GAS7: variants seen among roughly 807,000 people sequenced by gnomAD.
The protein encoded by GAS7 is growth arrest specific 7, also known as growth arrest-specific protein 7.
In GAS7, 28 loss-of-function variants were observed where a neutral mutation model predicts 71.1. The ratio of observed to expected loss-of-function variants is 0.39; its 90% CI spans 0.29 to 0.54. The LOEUF (loss-of-function observed/expected upper bound fraction) is 0.54. GAS7 is among the 20% of genes least tolerant of loss of function. The pLI, the probability that GAS7 is intolerant of heterozygous loss-of-function variation, is 0.62. For synonymous variants in GAS7, 258 were observed against 245.8 expected, an observed-to-expected ratio of 1.05 and a Z score of -0.46; for missense variants, 436 against 627.8, an observed-to-expected ratio of 0.69 and a Z score of 3.27.
chr17:10,113,586 T>C (rs1481505390), intron 1 of GAS7, among the ~76,000 whole-genome samples: 2 of 152,212 alleles, frequency 1.3e-5, no homozygotes, highest in Non-Finnish European at 2.9e-5. Context: ...GATACCTGTG[T>C]TCAGAAAACC....
At chr17:10,183,002 T>C (rs1212698883) in intron 1 of GAS7, among the ~76,000 whole-genome samples, 1 of 152,150 alleles carries the variant, frequency 6.6e-6, no homozygotes, top group African/African-American at 2.4e-5. Context: ...TAAGAAGCCA[T>C]TAAGACTAAT....
chr17:10,021,226 C>T (rs143913844), intron 1 of GAS7, among the ~76,000 whole-genome samples: 91 of 152,300 alleles, frequency 6.0e-4, no homozygotes, highest in East Asian at 5.8e-4. Flanking sequence ...TAAAGGTAAT[C>T]GGCTCCCAAA....
intron 2 of GAS7, among the ~76,000 whole-genome samples, chr17:9,986,847 C>T (rs2070669221): frequency 6.6e-6 from 1 of 152,212 alleles, no homozygotes; most frequent in Admixed American, 6.5e-5. Flanking sequence ...ACCCATAACA[C>T]AAAGACACTG....
chr17:10,052,139 T>C (rs1364281285), intron 1 of GAS7, among the ~76,000 whole-genome samples: 3 of 152,048 alleles, frequency 2.0e-5, no homozygotes, highest in Non-Finnish European at 4.4e-5. Flanking sequence ...CATAGAAAGC[T>C]GATGGGCTGA....
At chr17:10,153,716 T>A (rs1325067921) in intron 1 of GAS7, among the ~76,000 whole-genome samples, 1 of 152,200 alleles carries the variant, frequency 6.6e-6, no homozygotes, top group Non-Finnish European at 1.5e-5. Context: ...ATCATGCCCA[T>A]TTTACAGATG....
intron 9 of GAS7, among the ~76,000 whole-genome samples, chr17:9,932,481 C>G (rs1165696110): frequency 6.6e-6 from 1 of 152,244 alleles, no homozygotes; most frequent in African/African-American, 2.4e-5. Context: ...GCGTGAGCCA[C>G]CACGCCTGGC....
At chr17:10,198,088 C>T in intron 1 of GAS7, 120 bp downstream of exon 1, 2 of 919,954 alleles carry the variant, frequency 2.2e-6, no homozygotes, top group Non-Finnish European at 3.3e-6. Context: ...CCGGCAAGGG[C>T]TGCCCCCCGG....
rs1597512896 is a variant in GAS7 at position 9,948,583 on chromosome 17, T to G, written c.526-1600A>C. On this transcript the variant is annotated intron_variant, in intron 5 of 13. Transcript: ENST00000432992. ...CTGTAATCCCAGCTACTCAGGAGGCTGAGGCAGGAGAATCGCTTCAACCCA... is the reference window on the plus strand; with the variant it reads ...CTGTAATCCCAGCTACTCAGGAGGCGGAGGCAGGAGAATCGCTTCAACCCA... Among the ~76,000 whole-genome samples, 6 of 151,964 alleles carry G rather than the reference T, an allele frequency of 3.9e-5. No individual in the cohort carries two copies. In the South Asian group the frequency reaches 1.2e-3, roughly 32 times the overall value.
intron 1 of GAS7, among the ~76,000 whole-genome samples, chr17:10,167,073 T>TTTTTTTTTTTTTC (rs138918612): frequency 9.5e-5 from 11 of 116,008 alleles, no homozygotes; most frequent in Admixed American, 1.7e-4. Context: ...TTTTTTTTTT[T>TTTTTTTTTTTTTC]TGAGACAGAG....
chr17:10,091,723 C>A (rs1228200356), intron 1 of GAS7, among the ~76,000 whole-genome samples: 3 of 152,030 alleles, frequency 2.0e-5, no homozygotes, highest in Admixed American at 2.0e-4. Flanking sequence ...GCTGTGTCAC[C>A]CAGGCTGGAG....
At chr17:9,935,551 G>C (rs916494309) in intron 8 of GAS7, among the ~76,000 whole-genome samples, 36 of 152,208 alleles carry the variant, frequency 2.4e-4, no homozygotes, top group African/African-American at 8.0e-4. Context: ...GGCAAAAGCT[G>C]AATAAAAGAC....
At chr17:10,075,604 G>C (rs1024485649) in intron 1 of GAS7, among the ~76,000 whole-genome samples, 1 of 151,956 alleles carries the variant, frequency 6.6e-6, no homozygotes, top group East Asian at 1.9e-4. Flanking sequence ...ATACCAGCCT[G>C]GGCAATATAG....
rs564053743 is a variant in GAS7, at chr17:10,033,569, C to T, written c.184-13672G>A. Among the ~76,000 whole-genome samples, 8 of 152,296 alleles carry T rather than the reference C, an allele frequency of 5.3e-5. No homozygotes were observed. In the East Asian group the frequency reaches 9.7e-4, roughly 18 times the overall value. On this transcript the variant is annotated intron_variant, in intron 1 of 13. Transcript: ENST00000432992. Reference sequence around the variant, plus strand: ...AGGCTCAGTATCTCATGCAAAGCAGCCCGCTCACCAGAAAGGATCTTCAAG... The same window carrying T: ...AGGCTCAGTATCTCATGCAAAGCAGTCCGCTCACCAGAAAGGATCTTCAAG...
chr17:10,022,735 C>G (rs1323771100), intron 1 of GAS7, among the ~76,000 whole-genome samples: 1 of 152,226 alleles, frequency 6.6e-6, no homozygotes, highest in Non-Finnish European at 1.5e-5. Flanking sequence ...GGGCTTCACA[C>G]AGTCCGTCTA....
At chr17:9,942,807 G>C (rs2068650612) in intron 7 of GAS7, among the ~76,000 whole-genome samples, 2 of 152,258 alleles carry the variant, frequency 1.3e-5, no homozygotes, top group African/African-American at 4.8e-5. Flanking sequence ...CTCCAGCCAA[G>C]TGTCGCGTGA....
At chr17:9,979,822 G>A (rs983287557) in intron 3 of GAS7, among the ~76,000 whole-genome samples, 7 of 151,384 alleles carry the variant, frequency 4.6e-5, no homozygotes, top group African/African-American at 1.7e-4. Context: ...CAGGAAAAAG[G>A]ACACACCTTG....
intron 1 of GAS7, among the ~76,000 whole-genome samples, chr17:10,156,285 A>G (rs933386145): frequency 6.6e-6 from 1 of 152,150 alleles, no homozygotes; most frequent in Non-Finnish European, 1.5e-5. Context: ...CTAGCCCTCC[A>G]TGCCACAGCC....
intron 1 of GAS7, among the ~76,000 whole-genome samples, chr17:10,149,808 C>T (rs1212301218): frequency 6.6e-6 from 1 of 152,126 alleles, no homozygotes; most frequent in African/African-American, 2.4e-5. Flanking sequence ...AGATAAACCT[C>T]GAAAACATTA....
chr17:10,040,201 A>G (rs1287026238), intron 1 of GAS7, among the ~76,000 whole-genome samples: 1 of 152,252 alleles, frequency 6.6e-6, no homozygotes, highest in Non-Finnish European at 1.5e-5. Context: ...GAGATTGGGC[A>G]GGATGGGTCA....
Sources: gnomAD v4.1 joint callset for allele counts (sites outside exome capture counted in the v4.1 genomes callset) on GRCh38, gnomAD v4.1.1 for gene constraint, MANE v1.5 for transcripts, NCBI Gene and HGNC (gene_info 2026-07-23, HGNC 2026-07-21) for gene names.